Variants in PGLYRP3 observed in about 807,000 individuals in gnomAD.
The protein encoded by PGLYRP3 is peptidoglycan recognition protein 3.
In PGLYRP3, 39 loss-of-function variants were observed where a neutral mutation model predicts 36.0. The observed-to-expected ratio is 1.08, with a 90% confidence interval of 0.84 to 1.41. The LOEUF (loss-of-function observed/expected upper bound fraction) is 1.41. Among genes scored for constraint, PGLYRP3 ranks in the 40% most tolerant of loss-of-function variants. PGLYRP3 has a pLI of 0.00. For synonymous variants in PGLYRP3, 204 were observed against 172.8 expected, an observed-to-expected ratio of 1.18 and a Z score of -1.42; for missense variants, 407 against 427.9, an observed-to-expected ratio of 0.95 and a Z score of 0.43.
At chr1:153,303,826 G>T in intron 5 of PGLYRP3, 31 bp downstream of exon 5, 2 of 1,588,370 alleles carry the variant, frequency 1.3e-6, no homozygotes, top group Admixed American at 1.7e-5. Flanking sequence ...TGGTGACGAG[G>T]AGGAGGGTGA....
chr1:153,308,926 G>GGT (rs1356868021), intron 2 of PGLYRP3, among the ~76,000 whole-genome samples: 4 of 152,160 alleles, frequency 2.6e-5, no homozygotes, highest in Admixed American at 1.3e-4. Context: ...TTCACCGGCA[G>GGT]ACCTACTAAT....
At chr1:153,304,464 C>T (rs1659686199) in intron 4 of PGLYRP3, among the ~76,000 whole-genome samples, 1 of 152,244 alleles carries the variant, frequency 6.6e-6, no homozygotes, top group African/African-American at 2.4e-5. Flanking sequence ...AATGAGGATG[C>T]TGGCAGGTGC....
chr1:153,302,558 G>A lies in PGLYRP3; in HGVS notation c.579C>T (p.His193=), dbSNP rs143236978. 4.3e-6 allele frequency: 7 copies of A among 1,614,222 alleles called. No individual in the cohort carries two copies. In the East Asian group the frequency reaches 1.1e-4, roughly 26 times the overall value. ...KRSAWEARET[H]CPKMNLPAKY... is the part of the protein sequence containing the mutation. Reference sequence around the variant, plus strand: ...TGGCTGGGAGGTTCATTTTAGGGCAGTGTGTCTCTCTGGCTTCCCAAGCAG... The same window carrying A: ...TGGCTGGGAGGTTCATTTTAGGGCAATGTGTCTCTCTGGCTTCCCAAGCAG... The change falls in exon 6 of 8, where the codon CAC becomes CAT. Residue 193 remains histidine, a synonymous_variant. Transcript: ENST00000683862.
chr1:153,297,562 AAAGAAAGAAAGAAAGAAAG>A lies in PGLYRP3; in HGVS notation c.*375_*393del, dbSNP rs1557805414. 2.1e-5 allele frequency among the ~76,000 whole-genome samples: 1 copy of A among 48,174 alleles called. No individual in the cohort carries two copies. Among genetic ancestry groups the A allele is most frequent in the Non-Finnish European group, 4.7e-5 (1 of 21,328 alleles). The allele number at this position is 48,174 out of a possible 152,430, so 31.6% of individuals were successfully genotyped here. The stretch of plus-strand genomic sequence containing the variant: ...AGGAAGGAAGGAAGGAAAGAAAGAA[AAAGAAAGAAAGAAAGAAAG>A]AAGAAAGAAAGAAAGAAAGAAAGAG... On this transcript the variant is annotated 3_prime_UTR_variant, in exon 8 of 8. Transcript: ENST00000683862.
At chr1:153,310,321 T>C (rs751949442) in intron 2 of PGLYRP3, among the ~76,000 whole-genome samples, 1 of 152,238 alleles carries the variant, frequency 6.6e-6, no homozygotes, top group Non-Finnish European at 1.5e-5. Flanking sequence ...TGGCGCACAC[T>C]TGTGATCTAA....
chr1:153,307,308 C>T, intron 2 of PGLYRP3, 41 bp from the exon 3 acceptor site: 3 of 1,537,706 alleles, frequency 2.0e-6, no homozygotes, highest in South Asian at 2.4e-5. Context: ...CAGGCCCTGC[C>T]CATCTTCCCC....
chr1:153,307,005 G>C, intron 3 of PGLYRP3, 61 bp downstream of exon 3: 1 of 1,510,508 alleles, frequency 6.6e-7, no homozygotes, highest in Admixed American at 1.7e-5. Flanking sequence ...CAGAGAAGGG[G>C]AAGTGGGAAG....
chr1:153,298,149 T>A lies in PGLYRP3; in HGVS notation c.848-15A>T, dbSNP rs1184782279. On this transcript the variant is annotated splice_polypyrimidine_tract_variant and intron_variant, in intron 7 of 7. Coordinates refer to ENST00000683862, the MANE Select transcript of PGLYRP3 (RefSeq NM_052891.3). ...TGGAGGCTTTTCTGCAAAACACATTTTCCCCATCAGTCATTAGGGGCTCAA... is the reference window on the plus strand; with the variant it reads ...TGGAGGCTTTTCTGCAAAACACATTATCCCCATCAGTCATTAGGGGCTCAA... 5.6e-6 allele frequency: 9 copies of A among 1,613,204 alleles called. No homozygotes were observed. Among genetic ancestry groups the A allele is most frequent in the Non-Finnish European group, 7.6e-6 (9 of 1,179,492 alleles).
chr1:153,303,634 T>C (rs950950968), intron 5 of PGLYRP3, among the ~76,000 whole-genome samples: 2 of 152,206 alleles, frequency 1.3e-5, no homozygotes, highest in Non-Finnish European at 2.9e-5. Flanking sequence ...TGTGTACATA[T>C]GTATTTGTTT....
intron 3 of PGLYRP3, among the ~76,000 whole-genome samples, chr1:153,306,798 A>G (rs1655319): frequency 0.84 from 127,150 of 152,118 alleles, 53,184 homozygotes; most frequent in Middle Eastern, 0.86. Flanking sequence ...AGTTCCAAGG[A>G]CTCAGTTAAA....
At position 153,297,581 on chromosome 1, in the gene PGLYRP3, G is replaced by GAAGAAAGAAAGAAAGAAAGAAAGA. The variant is rs202027575; in HGVS notation, c.*351_*374dup. On this transcript the variant is annotated 3_prime_UTR_variant, in exon 8 of 8. Coordinates refer to ENST00000683862, the MANE Select transcript of PGLYRP3 (RefSeq NM_052891.3). ...AAAGAAAAAGAAAGAAAGAAAGAAA[G>GAAGAAAGAAAGAAAGAAAGAAAGA]AAGAAAGAAAGAAAGAAAGAAAGAG... 3.0e-3 allele frequency among the ~76,000 whole-genome samples: 147 copies of GAAGAAAGAAAGAAAGAAAGAAAGA among 48,456 alleles called. 4 individuals are homozygous for GAAGAAAGAAAGAAAGAAAGAAAGA. The highest frequency in any genetic ancestry group is 9.4e-3 in the African/African-American group (137 of 14,556). 31.8% of individuals were successfully genotyped at this position (48,456 alleles called of 152,430 possible). A position where few individuals can be genotyped will look rare whatever the true frequency, so the allele number is the denominator to read the frequency against.
At chr1:153,305,191 A>G (rs2101519834) in intron 3 of PGLYRP3, 126 bp from the exon 4 acceptor site, 1 of 643,306 alleles carries the variant, frequency 1.6e-6, no homozygotes, top group Non-Finnish European at 2.6e-6. Flanking sequence ...ACAAAACAAT[A>G]GGAGGTGCAG....
At chr1:153,299,363 A>G in intron 6 of PGLYRP3, 132 bp from the exon 7 acceptor site, 1 of 722,152 alleles carries the variant, frequency 1.4e-6, no homozygotes, top group Non-Finnish European at 2.3e-6. Flanking sequence ...CTTATGTGCC[A>G]ATGTGGACAA....
intron 3 of PGLYRP3, among the ~76,000 whole-genome samples, 181 bp from the exon 4 acceptor site, chr1:153,305,246 A>C (rs1489857889): frequency 6.6e-6 from 1 of 152,176 alleles, no homozygotes; most frequent in Non-Finnish European, 1.5e-5. Context: ...ATATATTTTA[A>C]TTTTTGTTGG....
At chr1:153,304,066 GA>G (rs2101517733) in intron 4 of PGLYRP3, 57 bp from the exon 5 acceptor site, 1 of 1,509,088 alleles carries the variant, frequency 6.6e-7, no homozygotes, top group African/African-American at 1.4e-5. Context: ...ACCTAGACCA[GA>G]CACCTGCAGA....
At position 153,297,523 on chromosome 1, in the gene PGLYRP3, G is replaced by GA. The variant is rs1659458462; in HGVS notation, c.*432dup. On this transcript the variant is annotated 3_prime_UTR_variant, in exon 8 of 8. Transcript: ENST00000683862. ...GAAAGGAAGGAAGGAAGGAAGGAAG[G>GA]AAGGAAGGAAGGAAGGAAGGAAGGA... is the stretch of plus-strand genomic sequence containing the variant. Among the ~76,000 whole-genome samples, 1 of 77,192 alleles carries GA rather than the reference G, an allele frequency of 1.3e-5. No homozygotes were observed. The highest frequency in any genetic ancestry group is 5.4e-5 in the African/African-American group (1 of 18,612). 50.6% of individuals were successfully genotyped at this position (77,192 alleles called of 152,430 possible).
At chr1:153,309,017 A>G (rs1659830911) in intron 2 of PGLYRP3, among the ~76,000 whole-genome samples, 1 of 152,192 alleles carries the variant, frequency 6.6e-6, no homozygotes, top group African/African-American at 2.4e-5. Flanking sequence ...TTAATCACCT[A>G]TTGGTGCCAG....
intron 7 of PGLYRP3, 141 bp downstream of exon 7, chr1:153,298,972 G>A (rs1256154936): frequency 2.9e-6 from 2 of 698,146 alleles, no homozygotes; most frequent in African/African-American, 1.8e-5. Context: ...GTGACATCCT[G>A]TATTAAGAGT....
chr1:153,308,434 C>T (rs1659811385), intron 2 of PGLYRP3, among the ~76,000 whole-genome samples: 1 of 152,200 alleles, frequency 6.6e-6, no homozygotes, highest in South Asian at 2.1e-4. Flanking sequence ...CTTTGACTTT[C>T]AGCCCAGACA....
Sources: gnomAD v4.1 joint callset for allele counts (sites outside exome capture counted in the v4.1 genomes callset) on GRCh38, gnomAD v4.1.1 for gene constraint, MANE v1.5 for transcripts, NCBI Gene and HGNC (gene_info 2026-07-23, HGNC 2026-07-21) for gene names.